PREX1: variants seen among roughly 807,000 people sequenced by gnomAD.
PREX1 encodes phosphatidylinositol 3,4,5-trisphosphate-dependent Rac exchanger 1 protein.
PREX1 carries 41 observed loss-of-function variants against 198.3 expected under a neutral mutation model. The ratio of observed to expected loss-of-function variants is 0.21; its 90% CI spans 0.16 to 0.27. The LOEUF (loss-of-function observed/expected upper bound fraction) is 0.27, where lower values mean the gene tolerates loss of function less well. PREX1 is among the 10% of genes least tolerant of loss of function. The probability of loss-of-function intolerance (pLI) is 1.00; values close to 1 mark genes in which losing one functional copy is unlikely to be tolerated. For synonymous variants in PREX1, 843 were observed against 887.2 expected (o/e 0.95, Z 0.89); for missense variants, 1,620 against 2,200.7 (o/e 0.74, Z 5.28).
intron 12 of PREX1, 74 bp downstream of exon 12, chr20:48,679,577 T>A: frequency 1.4e-6 from 2 of 1,469,908 alleles, no homozygotes; most frequent in Non-Finnish European, 1.9e-6. Context: ...GGCACAGGCC[T>A]GCTCTGAGGC....
intron 1 of PREX1, among the ~76,000 whole-genome samples, chr20:48,805,365 A>G (rs942564743): frequency 3.3e-5 from 5 of 152,242 alleles, no homozygotes; most frequent in Non-Finnish European, 5.9e-5. Context: ...AGGCTAACTC[A>G]GCTGGCTGAG....
intron 7 of PREX1, among the ~76,000 whole-genome samples, chr20:48,693,482 A>C (rs2089829908): frequency 6.6e-6 from 1 of 152,244 alleles, no homozygotes. Context: ...GCAAGACGGC[A>C]CCATCTATGA....
chr20:48,640,197 G>C (rs147691671), intron 29 of PREX1, among the ~76,000 whole-genome samples: 1 of 152,122 alleles, frequency 6.6e-6, no homozygotes, highest in Non-Finnish European at 1.5e-5. Flanking sequence ...CTTTCCTTTC[G>C]TCTAAGCCTG....
rs914441142 is a variant in PREX1, at chr20:48,630,810, G to A, written c.4527-16C>T. 1.3e-6 allele frequency: 2 copies of A among 1,549,884 alleles called. No individual in the cohort carries two copies. Among genetic ancestry groups the A allele is most frequent in the African/African-American group, 1.4e-5 (1 of 73,524 alleles). ...GTAAAATGCCCTGCGAGAGAAAGAT[G>A]GGAATGAGGCGGGGGCCACCACACC... On this transcript the variant is annotated splice_polypyrimidine_tract_variant and intron_variant, in intron 35 of 39. Coordinates refer to ENST00000371941, the MANE Select transcript of PREX1 (RefSeq NM_020820.4).
At chr20:48,699,384 A>G (rs1213095932) in intron 7 of PREX1, among the ~76,000 whole-genome samples, 2 of 152,152 alleles carry the variant, frequency 1.3e-5, no homozygotes, top group African/African-American at 4.8e-5. Flanking sequence ...GGGTCAGCTG[A>G]GACCATCCTA....
chr20:48,850,831 C>A, the PREX1 span, among the ~76,000 whole-genome samples: 1 of 152,140 alleles, frequency 6.6e-6, no homozygotes, highest in Non-Finnish European at 1.5e-5. Flanking sequence ...CTTCCTCTGT[C>A]TGCCTGGCAA....
In PREX1 at chr20:48,691,392, C is replaced by T. The variant is rs769231578; in HGVS notation, c.1037-296G>A. On this transcript the variant is annotated intron_variant, in intron 8 of 39. Transcript: ENST00000371941. The surrounding 1 kb of genome is among the most constrained non-coding windows in gnomAD (Gnocchi z 5.0). ...ATGGGGAGACACTTGCTTGGAGCCCCAAAATGCTTCCTGGGCTCCTCCCAT... is the reference window on the plus strand; with the variant it reads ...ATGGGGAGACACTTGCTTGGAGCCCTAAAATGCTTCCTGGGCTCCTCCCAT... Among the ~76,000 whole-genome samples the T allele has an allele frequency of 2.6e-5, 4 of 152,176 alleles. No individual in the cohort carries two copies. The highest frequency in any genetic ancestry group is 5.9e-5 in the Non-Finnish European group (4 of 68,024).
intron 15 of PREX1, among the ~76,000 whole-genome samples, chr20:48,660,329 CAG>C (rs1057009826): frequency 6.6e-6 from 1 of 152,198 alleles, no homozygotes; most frequent in African/African-American, 2.4e-5. Context: ...TAGTAACACA[CAG>C]TGTGGAAATG....
chr20:48,800,222 G>A (rs1388970130), intron 1 of PREX1, among the ~76,000 whole-genome samples: 1 of 152,196 alleles, frequency 6.6e-6, no homozygotes, highest in Non-Finnish European at 1.5e-5. Context: ...AGGTCACACC[G>A]CTGGGAAGTG....
intron 10 of PREX1, 73 bp downstream of exon 10, chr20:48,688,584 T>A (rs1385143024): frequency 3.1e-6 from 5 of 1,587,900 alleles, no homozygotes; most frequent in Middle Eastern, 1.7e-4. Context: ...GCTGCATGGG[T>A]GGATGGGGAT....
At chr20:48,683,936 C>T (rs1469353372) in intron 10 of PREX1, among the ~76,000 whole-genome samples, 5 of 152,154 alleles carry the variant, frequency 3.3e-5, no homozygotes, top group South Asian at 4.2e-4. Context: ...AGGAAACCAG[C>T]GATCTGCCAG....
At chr20:48,686,518 G>C (rs1406123384) in intron 10 of PREX1, among the ~76,000 whole-genome samples, 1 of 152,182 alleles carries the variant, frequency 6.6e-6, no homozygotes. Flanking sequence ...CTGCCTCATC[G>C]GTCCGGACTG....
Position 48,624,636 on chromosome 20 carries a change from G to A in PREX1, c.*1249C>T, listed in dbSNP as rs1015192696. The A allele has an allele frequency of 1.3e-5, 2 of 152,296 alleles. No homozygotes were observed. The highest frequency in any genetic ancestry group is 2.9e-5 in the Non-Finnish European group (2 of 68,092). 9.4% of individuals were successfully genotyped at this position (152,296 alleles called of 1,614,324 possible). A position where few individuals can be genotyped will look rare whatever the true frequency, so the allele number is the denominator to read the frequency against. Reference sequence around the variant, plus strand: ...TGTGACCTTTCCCTGAAGGCATACCGAAGCTGGGGGGACAAACTGCCGAGG... The same window carrying A: ...TGTGACCTTTCCCTGAAGGCATACCAAAGCTGGGGGGACAAACTGCCGAGG... On this transcript the variant is annotated 3_prime_UTR_variant, in exon 40 of 40. Transcript: ENST00000371941.
At chr20:48,874,680 C>T in the PREX1 span, among the ~76,000 whole-genome samples, 1 of 151,846 alleles carries the variant, frequency 6.6e-6, no homozygotes, top group African/African-American at 2.4e-5. Flanking sequence ...AGTTTGAGAC[C>T]AGCCTGACCA....
Position 48,691,199 on chromosome 20 carries a change from C to A in PREX1, c.1037-103G>T. On this transcript the variant is annotated intron_variant, in intron 8 of 39. Transcript: ENST00000371941. This position sits in a 1 kb window ranked among gnomAD's most constrained non-coding sequence, Gnocchi z 5.0. ...CGCCCCAGCACAGGCAGGGCCCTCG[C>A]CTGGATCAGGATGGGGAGCTGGACT... The A allele has an allele frequency of 6.9e-7, 1 of 1,454,848 alleles. No individual in the cohort carries two copies. The highest frequency in any genetic ancestry group is 1.8e-5 in the Admixed American group (1 of 55,806). The allele number at this position is 1,454,848 out of a possible 1,614,324, so 90.1% of individuals were successfully genotyped here.
chr20:48,847,781 T>TC, the PREX1 span, among the ~76,000 whole-genome samples: 1 of 152,146 alleles, frequency 6.6e-6, no homozygotes, highest in African/African-American at 2.4e-5. Context: ...CCCAGAAATT[T>TC]CCCCCGGGTC....
At position 48,764,288 on chromosome 20, in the gene PREX1, G is replaced by A. The variant is rs116728443; in HGVS notation, c.220-16408C>T. Reference sequence around the variant, plus strand: ...GCAGACATCAGAGGACTCTCAGAGAGGCCCCAACAGCCCTTGACCATTGTG... The same window carrying A: ...GCAGACATCAGAGGACTCTCAGAGAAGCCCCAACAGCCCTTGACCATTGTG... On this transcript the variant is annotated intron_variant, in intron 1 of 39. Transcript: ENST00000371941. Among the ~76,000 whole-genome samples the A allele has an allele frequency of 1.7e-3, 255 of 152,328 alleles. 4 individuals are homozygous for A. The highest frequency in any genetic ancestry group is 5.9e-3 in the African/African-American group (245 of 41,562).
At chr20:48,796,646 T>G (rs1601141292) in intron 1 of PREX1, among the ~76,000 whole-genome samples, 1 of 151,062 alleles carries the variant, frequency 6.6e-6, no homozygotes, top group Admixed American at 6.6e-5. Flanking sequence ...ATATATACTG[T>G]ATATATAAAT....
chr20:48,811,138 T>G (rs1031223038), intron 1 of PREX1, among the ~76,000 whole-genome samples: 1 of 152,180 alleles, frequency 6.6e-6, no homozygotes, highest in Admixed American at 6.5e-5. Context: ...GGTTTTTGTA[T>G]GAAATGTCTT....
Sources: allele counts gnomAD v4.1 joint callset (sites outside exome capture counted in the v4.1 genomes callset), GRCh38; gene constraint gnomAD v4.1.1; non-coding constraint Gnocchi (gnomAD v3.1); transcripts MANE v1.5; gene names NCBI Gene and HGNC (gene_info 2026-07-23, HGNC 2026-07-21).